The following DLG2 variants were observed in gnomAD, a reference collection of about 807,000 sequenced individuals.
DLG2 encodes the protein disks large homolog 2.
A neutral mutation model predicts 132.5 loss-of-function variants in DLG2; 45 were observed. The observed-to-expected ratio is 0.34, with a 90% CI of 0.27 to 0.44. The LOEUF (loss-of-function observed/expected upper bound fraction) is 0.44. DLG2 is among the 20% of genes least tolerant of loss of function. The probability of loss-of-function intolerance (pLI) is 1.00; values close to 1 mark genes in which losing one functional copy is unlikely to be tolerated. For synonymous variants in DLG2, 424 were observed against 419.6 expected, an observed-to-expected ratio of 1.01 and a Z score of -0.13; for missense variants, 1,045 against 1,196.9, an observed-to-expected ratio of 0.87 and a Z score of 1.87.
chr11:84,909,267 T>C (rs888522565), intron 6 of DLG2, among the ~76,000 whole-genome samples: 6 of 152,224 alleles, frequency 3.9e-5, no homozygotes, highest in Non-Finnish European at 8.8e-5. Context: ...TTCCAGTATC[T>C]TTCCCTTGAT....
At chr11:84,048,961 T>C (rs2096295409) in intron 11 of DLG2, among the ~76,000 whole-genome samples, 2 of 151,702 alleles carry the variant, frequency 1.3e-5, no homozygotes. Flanking sequence ...AATTTTCAAT[T>C]AAAATTTTAA....
At chr11:83,837,538 T>G (rs1170567985) in intron 16 of DLG2, among the ~76,000 whole-genome samples, 8 of 151,770 alleles carry the variant, frequency 5.3e-5, no homozygotes, top group Non-Finnish European at 1.2e-4. Flanking sequence ...AGGGGACAGT[T>G]TTTTCTTTGG....
chr11:85,607,464 C>T (rs937595782), intron 2 of DLG2, among the ~76,000 whole-genome samples: 1 of 152,226 alleles, frequency 6.6e-6, no homozygotes, highest in Admixed American at 6.5e-5. Context: ...ATCCTTGCCC[C>T]CGGGTCCTAA....
At chr11:84,576,458 G>A (rs765839860) in intron 6 of DLG2, among the ~76,000 whole-genome samples, 7 of 152,214 alleles carry the variant, frequency 4.6e-5, no homozygotes, top group Non-Finnish European at 8.8e-5. Context: ...GCTTCACTGA[G>A]GAGATGATGA....
At chr11:84,282,724 C>A (rs553621468) in intron 7 of DLG2, among the ~76,000 whole-genome samples, 1 of 152,258 alleles carries the variant, frequency 6.6e-6, no homozygotes, top group African/African-American at 2.4e-5. Context: ...TAAGTTTAAT[C>A]AGAGAAAAAG....
At chr11:85,407,090 T>C (rs1455315541) in intron 3 of DLG2, among the ~76,000 whole-genome samples, 4 of 151,958 alleles carry the variant, frequency 2.6e-5, no homozygotes, top group Non-Finnish European at 5.9e-5. Context: ...ATGACCAGTA[T>C]GCCTAGATTA....
intron 4 of DLG2, among the ~76,000 whole-genome samples, chr11:85,209,055 T>G (rs1324814804): frequency 6.6e-6 from 1 of 152,148 alleles, no homozygotes; most frequent in Non-Finnish European, 1.5e-5. Flanking sequence ...AGCATTGATC[T>G]GGACTTTAGA....
intron 18 of DLG2, among the ~76,000 whole-genome samples, chr11:83,718,549 A>AG (rs1368292804): frequency 1.3e-5 from 2 of 150,816 alleles, no homozygotes; most frequent in Admixed American, 6.6e-5. Context: ...AAAAAAAAAA[A>AG]AAGAAAGAAA....
chr11:84,377,546 T>C (rs1292155215), intron 7 of DLG2, among the ~76,000 whole-genome samples: 1 of 152,012 alleles, frequency 6.6e-6, no homozygotes, highest in Non-Finnish European at 1.5e-5. Flanking sequence ...ATTAGTATTA[T>C]AAAATGTAGT....
chr11:83,988,638 G>A (rs982550021), intron 11 of DLG2, among the ~76,000 whole-genome samples: 4 of 152,038 alleles, frequency 2.6e-5, no homozygotes, highest in African/African-American at 9.7e-5. Context: ...CTTGTTAGCT[G>A]TACTCTTACA....
At chr11:84,452,603 G>A (rs897674228) in intron 7 of DLG2, among the ~76,000 whole-genome samples, 1 of 151,730 alleles carries the variant, frequency 6.6e-6, no homozygotes, top group African/African-American at 2.4e-5. Context: ...TAGTTTGAAG[G>A]TAGATCCAAC....
At chr11:84,969,416 C>A (rs773765088) in intron 6 of DLG2, among the ~76,000 whole-genome samples, 5 of 152,152 alleles carry the variant, frequency 3.3e-5, no homozygotes, top group Non-Finnish European at 5.9e-5. Context: ...CTCTCATTCT[C>A]TTCTCTATAT....
intron 6 of DLG2, among the ~76,000 whole-genome samples, chr11:84,846,683 T>C (rs539647542): frequency 6.6e-6 from 1 of 152,134 alleles, no homozygotes; most frequent in Non-Finnish European, 1.5e-5. Context: ...CCCTATGTAG[T>C]CCCTTCCCAC....
intron 6 of DLG2, among the ~76,000 whole-genome samples, chr11:84,786,439 G>T (rs1037071111): frequency 1.3e-5 from 2 of 152,140 alleles, no homozygotes; most frequent in Non-Finnish European, 2.9e-5. Context: ...TCAATTCCAA[G>T]CTAGGACATT....
intron 6 of DLG2, among the ~76,000 whole-genome samples, chr11:85,070,703 T>A (rs747983559): frequency 2.1e-4 from 32 of 151,836 alleles, no homozygotes; most frequent in Non-Finnish European, 1.2e-4. Context: ...CACTCTACTG[T>A]GCTATATATA....
chr11:84,107,998 T>C (rs1288153972), intron 9 of DLG2, among the ~76,000 whole-genome samples: 1 of 152,056 alleles, frequency 6.6e-6, no homozygotes, highest in African/African-American at 2.4e-5. Context: ...GTGAAAGGGA[T>C]GATTTGGTTG....
At chr11:83,703,737 A>G (rs1333052667) in intron 18 of DLG2, among the ~76,000 whole-genome samples, 1 of 152,232 alleles carries the variant, frequency 6.6e-6, no homozygotes, top group Non-Finnish European at 1.5e-5. Context: ...TGGTTTTTAG[A>G]TGAGAGCTCT....
intron 6 of DLG2, among the ~76,000 whole-genome samples, chr11:84,691,533 T>C (rs922613513): frequency 3.3e-5 from 5 of 151,808 alleles, no homozygotes; most frequent in Admixed American, 6.6e-5. Context: ...CCAATCATTC[T>C]TACATATTCA....
chr11:85,371,479 C>T (rs756943540), intron 3 of DLG2, among the ~76,000 whole-genome samples: 58 of 152,156 alleles, frequency 3.8e-4, no homozygotes, highest in Admixed American at 7.9e-4. Context: ...TTATGTGCAT[C>T]AGTGCAATAA....
Sources: allele counts gnomAD v4.1 joint callset (sites outside exome capture counted in the v4.1 genomes callset), GRCh38; gene constraint gnomAD v4.1.1; transcripts MANE v1.5; gene names NCBI Gene and HGNC (gene_info 2026-07-23, HGNC 2026-07-21).